The following CCDC171 variants were observed in gnomAD, a reference collection of about 807,000 sequenced individuals.
CCDC171 encodes coiled-coil domain-containing protein 171.
In CCDC171, 177 loss-of-function variants were observed where a neutral mutation model predicts 168.2. The ratio of observed to expected loss-of-function variants is 1.05; its 90% confidence interval spans 0.93 to 1.19. CCDC171 has a LOEUF of 1.19. CCDC171 is among the 50% of genes most tolerant of loss of function. CCDC171 has a pLI of 0.00. For missense variants in CCDC171, 1,991 were observed against 1,539.0 expected, an observed-to-expected ratio of 1.29 and a Z score of -4.91; for synonymous variants, 687 against 540.8, an observed-to-expected ratio of 1.27 and a Z score of -3.75.
chr9:15,997,400 A>G (rs913508779), intron 3 of CCDC171, among the ~76,000 whole-genome samples: 7 of 152,192 alleles, frequency 4.6e-5, no homozygotes, highest in African/African-American at 9.7e-5. Context: ...TGCTGCAGCT[A>G]TAGGCTGTGA....
intron 21 of CCDC171, among the ~76,000 whole-genome samples, chr9:15,810,182 G>C (rs1588638241): frequency 1.3e-5 from 2 of 152,168 alleles, no homozygotes; most frequent in East Asian, 1.9e-4. Flanking sequence ...AGTTCTCCAA[G>C]TCCCCACCAG....
intron 1 of CCDC171, among the ~76,000 whole-genome samples, chr9:16,046,090 G>A (rs1290428794): frequency 6.6e-6 from 1 of 152,150 alleles, no homozygotes; most frequent in African/African-American, 2.4e-5. Flanking sequence ...GTTATTGAGG[G>A]CAAAGTCCAG....
At position 15,971,723 on chromosome 9, in the gene CCDC171, A is replaced by C. The variant is rs1342183785; in HGVS notation, c.3868A>C (p.Thr1290Pro). 6.2e-7 allele frequency: 1 copy of C among 1,613,672 alleles called. No homozygotes were observed. The highest frequency in any genetic ancestry group is 1.1e-5 in the South Asian group (1 of 91,052). The change falls in exon 26 of 26, where the codon ACT becomes CCT. Residue 1290 changes from threonine to proline, a missense_variant. Thr to Pro is a conservative substitution (Grantham distance 38). Coordinates refer to ENST00000380701, the MANE Select transcript of CCDC171 (RefSeq NM_173550.4). Reference sequence around the variant, plus strand: ...GAAAGCTGAACTTGATACTACTTACACTTTCTTAAAGGAGACATTTATAAA... The same window carrying C: ...GAAAGCTGAACTTGATACTACTTACCCTTTCTTAAAGGAGACATTTATAAA... ...PLKAELDTTY[T>P]FLKETFINTV...
intron 3 of CCDC171, among the ~76,000 whole-genome samples, chr9:16,005,478 G>A (rs1277448747): frequency 6.6e-6 from 1 of 152,160 alleles, no homozygotes; most frequent in African/African-American, 2.4e-5. Context: ...AAGTTTTTGT[G>A]TGAACATATG....
intron 7 of CCDC171, among the ~76,000 whole-genome samples, chr9:15,640,454 C>T (rs563410887): frequency 1.3e-4 from 20 of 152,022 alleles, no homozygotes; most frequent in African/African-American, 4.1e-4. Flanking sequence ...ATGTATCATA[C>T]GAGGCCCCTT....
At chr9:15,664,295 C>T (rs141977225) in intron 8 of CCDC171, among the ~76,000 whole-genome samples, 34 of 152,266 alleles carry the variant, frequency 2.2e-4, no homozygotes, top group African/African-American at 6.3e-4. Context: ...GTAACCCAGG[C>T]TGGGGTGCAG....
intron 21 of CCDC171, among the ~76,000 whole-genome samples, chr9:15,786,835 C>T (rs1428854136): frequency 6.6e-6 from 1 of 152,116 alleles, no homozygotes; most frequent in Non-Finnish European, 1.5e-5. Context: ...CTCATGATCT[C>T]CCCACCATGC....
At chr9:15,950,121 T>A (rs950076745) in intron 25 of CCDC171, among the ~76,000 whole-genome samples, 4 of 152,236 alleles carry the variant, frequency 2.6e-5, no homozygotes, top group African/African-American at 9.6e-5. Context: ...AATATGGGAC[T>A]ATGTGAAAAG....
At chr9:15,714,512 G>T (rs533306113) in intron 11 of CCDC171, among the ~76,000 whole-genome samples, 1 of 152,158 alleles carries the variant, frequency 6.6e-6, no homozygotes. Context: ...AGAAACCACA[G>T]TAGCACATTT....
chr9:15,583,745 C>T (rs2041327842), intron 4 of CCDC171, among the ~76,000 whole-genome samples: 1 of 151,750 alleles, frequency 6.6e-6, no homozygotes, highest in Non-Finnish European at 1.5e-5. Context: ...TTGCCTGCAA[C>T]CGAACACCAT....
intron 2 of CCDC171, among the ~76,000 whole-genome samples, chr9:15,566,163 T>G (rs542792756): frequency 6.6e-6 from 1 of 152,254 alleles, no homozygotes; most frequent in African/African-American, 2.4e-5. Flanking sequence ...ATTGGTGAAA[T>G]GTCTCTTCAG....
intron 3 of CCDC171, among the ~76,000 whole-genome samples, chr9:15,577,546 A>G (rs2040766974): frequency 6.6e-6 from 1 of 152,242 alleles, no homozygotes; most frequent in African/African-American, 2.4e-5. Context: ...TAAATATATT[A>G]GCCAGCCAAT....
chr9:15,904,701 G>T (rs1182559174), intron 24 of CCDC171, among the ~76,000 whole-genome samples: 6 of 152,120 alleles, frequency 3.9e-5, no homozygotes, highest in African/African-American at 7.2e-5. Flanking sequence ...TGGGCTAAAT[G>T]CTCCAATTAA....
At chr9:15,893,496 C>G (rs796937719) in intron 24 of CCDC171, among the ~76,000 whole-genome samples, 2 of 152,196 alleles carry the variant, frequency 1.3e-5, no homozygotes, top group African/African-American at 4.8e-5. Context: ...ATTGAGCAGA[C>G]AACCTACAGA....
intron 4 of CCDC171, among the ~76,000 whole-genome samples, chr9:15,590,513 G>T (rs2041898066): frequency 6.6e-6 from 1 of 152,178 alleles, no homozygotes; most frequent in Non-Finnish European, 1.5e-5. Flanking sequence ...AGCAGTGTTA[G>T]TGTGTTGATA....
chr9:15,680,074 T>C (rs1195697713), intron 10 of CCDC171, among the ~76,000 whole-genome samples: 1 of 152,184 alleles, frequency 6.6e-6, no homozygotes, highest in Non-Finnish European at 1.5e-5. Flanking sequence ...CTTTAGTACT[T>C]AGTTCAGCAT....
intron 6 of CCDC171, among the ~76,000 whole-genome samples, chr9:15,596,748 T>G (rs1305280094): frequency 3.3e-5 from 5 of 152,190 alleles, no homozygotes; most frequent in South Asian, 2.1e-4. Flanking sequence ...TATGGCCATT[T>G]TCACGATATT....
chr9:15,581,839 C>T (rs537828970), intron 4 of CCDC171, among the ~76,000 whole-genome samples: 4 of 152,156 alleles, frequency 2.6e-5, no homozygotes, highest in Middle Eastern at 3.4e-3. Context: ...TAGTAGAAAA[C>T]CTAGGCAATA....
chr9:15,592,877 TTTATTA>T lies in CCDC171; in HGVS notation c.544-1156_544-1151del, dbSNP rs760406969. ...GGCTTTTTTTGTTTTTATTTTTATTTTTATTATTATTATACTTTAAGCTTTAGGGTA... is the reference window on the plus strand; with the variant it reads ...GGCTTTTTTTGTTTTTATTTTTATTTTTATTATACTTTAAGCTTTAGGGTA... On this transcript the variant is annotated intron_variant, in intron 5 of 25. Coordinates refer to ENST00000380701, the MANE Select transcript of CCDC171 (RefSeq NM_173550.4). Among the ~76,000 whole-genome samples, 140 of 152,164 alleles carry T rather than the reference TTTATTA, an allele frequency of 9.2e-4. 1 individual carries two copies. The highest frequency in any genetic ancestry group is 7.9e-4 in the Non-Finnish European group (54 of 67,994).
Sources: gnomAD v4.1 joint callset for allele counts (sites outside exome capture counted in the v4.1 genomes callset) on GRCh38, gnomAD v4.1.1 for gene constraint, MANE v1.5 for transcripts, NCBI Gene and HGNC (gene_info 2026-07-23, HGNC 2026-07-21) for gene names.